The following NDUFS3 variants were observed in gnomAD, a reference collection of about 807,000 sequenced individuals.
NDUFS3 encodes NADH dehydrogenase [ubiquinone] iron-sulfur protein 3, mitochondrial.
Under a neutral mutation model 30.8 loss-of-function variants are expected in NDUFS3, and 19 were observed. The observed-to-expected ratio is 0.62, with a 90% CI of 0.43 to 0.91. The LOEUF is 0.91. Among genes scored for constraint, NDUFS3 ranks in the 40% least tolerant of loss-of-function variants. The pLI, the probability that NDUFS3 is intolerant of heterozygous loss-of-function variation, is 0.00. For synonymous variants in NDUFS3, 153 were observed against 135.8 expected (o/e 1.13, Z -0.88); for missense variants, 331 against 342.0 (o/e 0.97, Z 0.25).
At chr11:47,581,991 G>A in intron 4 of NDUFS3, 97 bp from the exon 5 acceptor site, 2 of 1,505,328 alleles carry the variant, frequency 1.3e-6, no homozygotes, top group Non-Finnish European at 1.8e-6. Flanking sequence ...AGAATCTTGA[G>A]GTTTTGAGGT....
In NDUFS3 at chr11:47,580,304, C is replaced by T. The variant is rs971676336; in HGVS notation, c.134-221C>T. On this transcript the variant is annotated intron_variant, in intron 2 of 6. Transcript: ENST00000263774. The stretch of plus-strand genomic sequence containing the variant: ...TGAGAAGAGGTGAACACCCCAGCTG[C>T]TATAGTAAGAGTCTTTCTGAGGACC... Among the ~76,000 whole-genome samples the T allele has an allele frequency of 3.3e-5, 5 of 152,288 alleles. No homozygotes were observed. In the South Asian group the frequency reaches 6.2e-4, roughly 19 times the overall value.
rs1383765201 is a variant in NDUFS3, at chr11:47,580,763, GT to G, written c.232-71del. ...GACTTTTCTCTCAGCATTAAACCAG[GT>G]GACTCCAGCTGAAGTTAGCTGTTCC... On this transcript the variant is annotated intron_variant, in intron 3 of 6. Transcript: ENST00000263774. 3.7e-6 allele frequency: 6 copies of G among 1,607,568 alleles called. No homozygotes were observed. In the African/African-American group the frequency reaches 6.7e-5, roughly 18 times the overall value.
rs2233356 is a variant in NDUFS3 at position 47,580,681 on chromosome 11, T to C, written c.231+59T>C. On this transcript the variant is annotated intron_variant, in intron 3 of 6. Coordinates refer to ENST00000263774, the MANE Select transcript of NDUFS3 (RefSeq NM_004551.3). ...AAGAAAGAACCATGTTCGCAGGGCA[T>C]GTGGGAGTGGGCAGACTTGTTTCAA... 4,490 of 1,589,774 alleles carry C rather than the reference T, an allele frequency of 2.8e-3. 15 individuals are homozygous for C. The highest frequency in any genetic ancestry group is 3.7e-3 in the Non-Finnish European group (4,228 of 1,157,934).
chr11:47,579,524 C>T (rs1343116229), intron 2 of NDUFS3, 190 bp downstream of exon 2: 2 of 666,326 alleles, frequency 3.0e-6, no homozygotes, highest in East Asian at 2.7e-5. Context: ...CCTGATTGTT[C>T]CTTGTCCATT....
rs767511454 is a variant in NDUFS3, at chr11:47,582,108, T to G, written c.402T>G (p.Ser134=). The G allele has an allele frequency of 6.2e-7, 1 of 1,614,150 alleles. No individual in the cohort carries two copies. Among genetic ancestry groups the G allele is most frequent in the South Asian group, 1.1e-5 (1 of 91,078 alleles). Residue 134 remains serine (S), a synonymous_variant, in exon 5 of 7, where the codon TCT becomes TCG. Coordinates refer to ENST00000263774, the MANE Select transcript of NDUFS3 (RefSeq NM_004551.3). ...NRFEIVYNLL[S]LRFNSRIRVK... is the part of the protein sequence containing the mutation. Reference sequence around the variant, plus strand: ...CCTAGATTGTCTACAACCTGTTGTCTCTGCGCTTCAACTCACGGATCCGTG... The same window carrying G: ...CCTAGATTGTCTACAACCTGTTGTCGCTGCGCTTCAACTCACGGATCCGTG...
At chr11:47,583,677 C>T (rs938500907) in intron 6 of NDUFS3, among the ~76,000 whole-genome samples, 11 of 152,218 alleles carry the variant, frequency 7.2e-5, no homozygotes, top group Non-Finnish European at 1.6e-4. Flanking sequence ...TTCCCAGTCA[C>T]TCCTGCTGTG....
intron 6 of NDUFS3, among the ~76,000 whole-genome samples, chr11:47,583,154 TC>T (rs1012214641): frequency 8.0e-5 from 12 of 150,552 alleles, no homozygotes. Flanking sequence ...GCTCAAGTAA[TC>T]CTCCCACCTC....
intron 6 of NDUFS3, among the ~76,000 whole-genome samples, 162 bp from the exon 7 acceptor site, chr11:47,584,152 A>G (rs886733707): frequency 1.3e-5 from 2 of 152,184 alleles, no homozygotes; most frequent in Non-Finnish European, 2.9e-5. Flanking sequence ...TCTGACGGGT[A>G]ACACAGGTAT....
rs762277356 is a variant in NDUFS3, at chr11:47,579,113, A to G, written c.22A>G (p.Arg8Gly). 23 of 1,585,256 alleles carry G rather than the reference A, an allele frequency of 1.5e-5. No individual in the cohort carries two copies. The highest frequency in any genetic ancestry group is 1.9e-5 in the Non-Finnish European group (22 of 1,167,396). The change falls in exon 1 of 7, where the codon AGG becomes GGG. Residue 8 changes from arginine (R) to glycine (G), a missense_variant. Transcript: ENST00000263774. ...TAACATGGCGGCGGCGGCGGTAGCC[A>G]GGCTGTGGTGGCGCGGGATCTTGGG... MAAAAVA[R>G]LWWRGILGAS...
Position 47,584,547 on chromosome 11 carries a change from T to G in NDUFS3, c.*66T>G. ...ATGATTGAGTGTCCGTGTAAATAAA[T>G]TCCTACTTAGACTTACCACTTTGTG... is the stretch of plus-strand genomic sequence containing the variant. On this transcript the variant is annotated 3_prime_UTR_variant, in exon 7 of 7. Coordinates refer to ENST00000263774, the MANE Select transcript of NDUFS3 (RefSeq NM_004551.3). The G allele has an allele frequency of 1.9e-6, 3 of 1,586,824 alleles. No homozygotes were observed. Among genetic ancestry groups the G allele is most frequent in the Non-Finnish European group, 2.6e-6 (3 of 1,159,518 alleles).
intron 6 of NDUFS3, 36 bp from the exon 7 acceptor site, chr11:47,584,278 T>G: frequency 6.2e-7 from 1 of 1,613,492 alleles, no homozygotes. Context: ...TAATAAGGAC[T>G]TCCTTAGTGC....
intron 3 of NDUFS3, 105 bp from the exon 4 acceptor site, chr11:47,580,730 C>CTGAGAGAA (rs754192782): frequency 2.1e-5 from 34 of 1,590,494 alleles, no homozygotes; most frequent in Non-Finnish European, 2.6e-5. Context: ...TCCTCCATCC[C>CTGAGAGAA]AAGCTTGGAC....
intron 2 of NDUFS3, 97 bp from the exon 3 acceptor site, chr11:47,580,428 T>C: frequency 1.7e-6 from 2 of 1,165,412 alleles, no homozygotes; most frequent in Non-Finnish European, 2.6e-6. Context: ...CAGGGAGCCT[T>C]TCCTGGATTT....
Position 47,580,990 on chromosome 11 carries a change from T to C in NDUFS3, c.381+6T>C, listed in dbSNP as rs377579231. 6.8e-5 allele frequency: 109 copies of C among 1,614,068 alleles called. 1 individual carries two copies. The African/African-American group carries it at 1.2e-3, about 18-fold the overall frequency. ...CTCGGCAAAACCGTTTTGAGGTCAGTTGGGAGATCTGAGAAGGTTTTGGGG... is the reference window on the plus strand; with the variant it reads ...CTCGGCAAAACCGTTTTGAGGTCAGCTGGGAGATCTGAGAAGGTTTTGGGG... On this transcript the variant is annotated splice_donor_region_variant and intron_variant, in intron 4 of 6. Coordinates refer to ENST00000263774, the MANE Select transcript of NDUFS3 (RefSeq NM_004551.3).
chr11:47,580,073 T>A (rs1203517295), intron 2 of NDUFS3, among the ~76,000 whole-genome samples: 1 of 67,642 alleles, frequency 1.5e-5, no homozygotes, highest in East Asian at 4.7e-4. Flanking sequence ...ACACACACAC[T>A]TTTAAGGAGA....
intron 1 of NDUFS3, 32 bp from the exon 2 acceptor site, chr11:47,579,237 C>T (rs1425456309): frequency 2.2e-5 from 36 of 1,613,996 alleles, no homozygotes; most frequent in Non-Finnish European, 2.6e-5. Flanking sequence ...GGGCTCATCC[C>T]GCGCGTCTGT....
intron 5 of NDUFS3, 45 bp downstream of exon 5, chr11:47,582,258 A>G: frequency 6.2e-7 from 1 of 1,614,218 alleles, no homozygotes; most frequent in Non-Finnish European, 8.5e-7. Flanking sequence ...CCACAGTTGC[A>G]GAACTGGTTC....
rs1195266361 is a variant in NDUFS3 at position 47,582,222 on chromosome 11, C to G, written c.507+9C>G. On this transcript the variant is annotated intron_variant, in intron 5 of 6. Coordinates refer to ENST00000263774, the MANE Select transcript of NDUFS3 (RefSeq NM_004551.3). Reference sequence around the variant, plus strand: ...ACTGGTATGAAAGGGAGGTGAGTTACCGGATATGGTGGACCTGCCTCTGGG... The same window carrying G: ...ACTGGTATGAAAGGGAGGTGAGTTAGCGGATATGGTGGACCTGCCTCTGGG... The G allele has an allele frequency of 6.2e-6, 10 of 1,614,104 alleles. No homozygotes were observed. Among genetic ancestry groups the G allele is most frequent in the Non-Finnish European group, 7.6e-6 (9 of 1,180,050 alleles).
intron 2 of NDUFS3, among the ~76,000 whole-genome samples, chr11:47,580,321 C>G (rs2097267837): frequency 6.6e-6 from 1 of 152,190 alleles, no homozygotes; most frequent in South Asian, 2.1e-4. Context: ...AAGAGTCTTT[C>G]TGAGGACCGT....
Sources: allele counts gnomAD v4.1 joint callset (sites outside exome capture counted in the v4.1 genomes callset), GRCh38; gene constraint gnomAD v4.1.1; transcripts MANE v1.5; gene names NCBI Gene and HGNC (gene_info 2026-07-23, HGNC 2026-07-21).